The following RUNX2 variants were observed in gnomAD, a reference collection of about 807,000 sequenced individuals.
RUNX2 encodes RUNX family transcription factor 2.
In RUNX2, 10 loss-of-function variants were observed where a neutral mutation model predicts 51.7. The ratio of observed to expected loss-of-function variants is 0.19; its 90% CI spans 0.12 to 0.33. The LOEUF is 0.33. RUNX2 is among the 10% of genes least tolerant of loss of function. The pLI is 1.00. For synonymous variants in RUNX2, 276 were observed against 273.6 expected, an observed-to-expected ratio of 1.01 and a Z score of -0.09; for missense variants, 562 against 691.3, an observed-to-expected ratio of 0.81 and a Z score of 2.10.
At chr6:45,382,639 A>G (rs1797265675) in intron 2 of RUNX2, among the ~76,000 whole-genome samples, 1 of 152,210 alleles carries the variant, frequency 6.6e-6, no homozygotes, top group Non-Finnish European at 1.5e-5. Context: ...AGTAACCCAG[A>G]AAGAAAATCA....
chr6:45,422,403 A>C (rs1383174234), intron 2 of RUNX2, 190 bp from the exon 3 acceptor site: 2 of 612,876 alleles, frequency 3.3e-6, no homozygotes, highest in South Asian at 1.9e-5. Context: ...CTGTTGGCCC[A>C]TCAGACTCCG....
At chr6:45,511,054 A>G (rs1440938869) in intron 6 of RUNX2, among the ~76,000 whole-genome samples, 1 of 152,240 alleles carries the variant, frequency 6.6e-6, no homozygotes, top group Non-Finnish European at 1.5e-5. Flanking sequence ...AAAAATTAAC[A>G]TAATTTAAAA....
intron 6 of RUNX2, among the ~76,000 whole-genome samples, chr6:45,508,453 C>T (rs183602479): frequency 6.6e-6 from 1 of 152,228 alleles, no homozygotes; most frequent in African/African-American, 2.4e-5. Context: ...GTCTTGAGCT[C>T]CCAGCCTCAG....
intron 2 of RUNX2, among the ~76,000 whole-genome samples, chr6:45,363,500 T>C (rs1362537060): frequency 2.0e-5 from 3 of 152,106 alleles, no homozygotes; most frequent in African/African-American, 7.2e-5. Flanking sequence ...AGTTTGAAAA[T>C]TCCCAAATTA....
intron 7 of RUNX2, among the ~76,000 whole-genome samples, chr6:45,524,980 G>A (rs971210672): frequency 6.6e-6 from 1 of 152,068 alleles, no homozygotes; most frequent in Non-Finnish European, 1.5e-5. Context: ...GTGTGGTGGC[G>A]CACGCCTGTA....
chr6:45,537,865 T>C (rs34611422), intron 7 of RUNX2, among the ~76,000 whole-genome samples: 1 of 152,192 alleles, frequency 6.6e-6, no homozygotes, highest in South Asian at 2.1e-4. Context: ...GCTCCTTCAC[T>C]ATCCCTGCTC....
At chr6:45,481,382 C>T (rs1212959185) in intron 5 of RUNX2, among the ~76,000 whole-genome samples, 2 of 152,160 alleles carry the variant, frequency 1.3e-5, no homozygotes, top group African/African-American at 4.8e-5. Context: ...TTGCATCTCT[C>T]AGTGGGGTCT....
At chr6:45,489,612 G>T (rs1050490868) in intron 5 of RUNX2, among the ~76,000 whole-genome samples, 2 of 152,140 alleles carry the variant, frequency 1.3e-5, no homozygotes, top group African/African-American at 2.4e-5. Context: ...GGCCTATTAA[G>T]AAAAATAACT....
chr6:45,424,776 G>A (rs1052649235), intron 3 of RUNX2, among the ~76,000 whole-genome samples: 1 of 152,098 alleles, frequency 6.6e-6, no homozygotes, highest in Non-Finnish European at 1.5e-5. Context: ...ATGGAAAGGG[G>A]ATGTTGCATT....
rs1790941016 is a variant in RUNX2, at chr6:45,346,652, C to A, written c.58+17868C>A. ...GTGCGATCTCGGCTCACTGCAACCT[C>A]CACCTCCTGGGTTCAAGCAATTCTC... On this transcript the variant is annotated intron_variant, in intron 2 of 8. Coordinates refer to ENST00000647337, the MANE Select transcript of RUNX2 (RefSeq NM_001024630.4). Among the ~76,000 whole-genome samples the A allele has an allele frequency of 2.0e-5, 3 of 151,186 alleles. No individual in the cohort carries two copies. In the Admixed American group the frequency reaches 2.0e-4, roughly 10 times the overall value.
chr6:45,440,681 C>T lies in RUNX2; in HGVS notation c.685+2630C>T, dbSNP rs146958929. On this transcript the variant is annotated intron_variant, in intron 5 of 8. Coordinates refer to ENST00000647337, the MANE Select transcript of RUNX2 (RefSeq NM_001024630.4). ...TTTTTTTTAATTTTTGGAATATTTG[C>T]GTATATAATGAGATACCTTGGTGAT... is the stretch of plus-strand genomic sequence containing the variant. Among the ~76,000 whole-genome samples the T allele has an allele frequency of 2.4e-4, 37 of 151,544 alleles. No individual in the cohort carries two copies. The East Asian group carries it at 3.7e-3, about 15-fold the overall frequency.
intron 2 of RUNX2, among the ~76,000 whole-genome samples, chr6:45,420,258 A>G (rs1485812271): frequency 6.6e-6 from 1 of 152,154 alleles, no homozygotes; most frequent in Non-Finnish European, 1.5e-5. Flanking sequence ...AAAGGGCTCC[A>G]GAGTCCGCGA....
At chr6:45,457,471 G>A (rs1182185839) in intron 5 of RUNX2, among the ~76,000 whole-genome samples, 1 of 151,952 alleles carries the variant, frequency 6.6e-6, no homozygotes, top group Non-Finnish European at 1.5e-5. Context: ...CCTATTTTTG[G>A]AATTCTAGAA....
rs1170645984 is a variant in RUNX2 at position 45,529,851 on chromosome 6, TC to T, written c.1022-15362del. On this transcript the variant is annotated intron_variant, in intron 7 of 8. Transcript: ENST00000647337. Reference sequence around the variant, plus strand: ...GACAATACACATGTGTGTAATGAATTCCCCTCCTCTTCAGATGAGTGGCTGG... The same window carrying T: ...GACAATACACATGTGTGTAATGAATTCCCTCCTCTTCAGATGAGTGGCTGG... 5.3e-5 allele frequency among the ~76,000 whole-genome samples: 8 copies of T among 152,242 alleles called. No individual in the cohort carries two copies. In the East Asian group the frequency reaches 1.4e-3, roughly 26 times the overall value.
intron 2 of RUNX2, chr6:45,421,309 A>G (rs1342598072): frequency 1.3e-5 from 2 of 152,338 alleles, no homozygotes; most frequent in Non-Finnish European, 2.9e-5. Flanking sequence ...CTTGTTCTCT[A>G]GGAATGACAA....
chr6:45,519,774 T>TTATATATA lies in RUNX2; in HGVS notation c.1021+7377_1021+7384dup, dbSNP rs1179504865. Among the ~76,000 whole-genome samples the TTATATATA allele has an allele frequency of 3.6e-3, 484 of 135,642 alleles. 3 individuals are homozygous for TTATATATA. The highest frequency in any genetic ancestry group is 0.015 in the African/African-American group (438 of 29,806). The allele number at this position is 135,642 out of a possible 152,430, so 89.0% of individuals were successfully genotyped here. ...ATTGCATTCCATTGGAAGGATGCTATTATATATATATATATATGTGTGTGT... is the reference window on the plus strand; with the variant it reads ...ATTGCATTCCATTGGAAGGATGCTATTATATATATATATATATATATATATGTGTGTGT... On this transcript the variant is annotated intron_variant, in intron 7 of 8. Transcript: ENST00000647337.
At chr6:45,403,319 C>T (rs528671464) in intron 2 of RUNX2, among the ~76,000 whole-genome samples, 4 of 150,440 alleles carry the variant, frequency 2.7e-5, no homozygotes, top group South Asian at 2.1e-4. Context: ...CTGCAAACTC[C>T]GCCTCCCAGG....
chr6:45,362,971 T>A (rs2150259458), intron 2 of RUNX2, among the ~76,000 whole-genome samples: 1 of 152,140 alleles, frequency 6.6e-6, no homozygotes, highest in Middle Eastern at 3.4e-3. Context: ...ACAGTTTGGT[T>A]TTTTTAATAT....
intron 2 of RUNX2, among the ~76,000 whole-genome samples, chr6:45,344,241 T>A (rs1790403500): frequency 6.6e-6 from 1 of 152,190 alleles, no homozygotes; most frequent in African/African-American, 2.4e-5. Flanking sequence ...AGGGGTTTCT[T>A]AGACTACTTG....
Sources: gnomAD v4.1 joint callset for allele counts (sites outside exome capture counted in the v4.1 genomes callset) on GRCh38, gnomAD v4.1.1 for gene constraint, MANE v1.5 for transcripts, NCBI Gene and HGNC (gene_info 2026-07-23, HGNC 2026-07-21) for gene names.